The following PPP2R2D variants were observed in gnomAD, a reference collection of about 807,000 sequenced individuals.
PPP2R2D encodes the protein serine/threonine-protein phosphatase 2A 55 kDa regulatory subunit B delta isoform.
In PPP2R2D, 9 loss-of-function variants were observed where a neutral mutation model predicts 31.1. The observed-to-expected ratio is 0.29, with a 90% CI of 0.17 to 0.51. The LOEUF (loss-of-function observed/expected upper bound fraction) is 0.51, where lower values mean the gene tolerates loss of function less well. PPP2R2D is among the 20% of genes least tolerant of loss of function. The pLI, the probability that PPP2R2D is intolerant of heterozygous loss-of-function variation, is 0.98. For missense variants in PPP2R2D, 391 were observed against 465.6 expected, an observed-to-expected ratio of 0.84 and a Z score of 1.48; for synonymous variants, 179 against 172.6, an observed-to-expected ratio of 1.04 and a Z score of -0.29.
rs1018979696 is a variant in PPP2R2D, at chr10:131,905,746, A to G, written c.100+4416A>G. Among the ~76,000 whole-genome samples the G allele has an allele frequency of 4.5e-4, 68 of 152,340 alleles. 1 individual carries two copies. In the South Asian group the frequency reaches 0.014, roughly 31 times the overall value. Reference sequence around the variant, plus strand: ...CACAAAGCGAGTGTATGGCAGGGCCAGGGTTTGGAGCCACGCCGACTGGCC... The same window carrying G: ...CACAAAGCGAGTGTATGGCAGGGCCGGGGTTTGGAGCCACGCCGACTGGCC... On this transcript the variant is annotated intron_variant, in intron 2 of 8. Coordinates refer to ENST00000455566, the MANE Select transcript of PPP2R2D (RefSeq NM_018461.5).
At chr10:131,938,770 A>G (rs1267128600) in intron 3 of PPP2R2D, among the ~76,000 whole-genome samples, 2 of 152,138 alleles carry the variant, frequency 1.3e-5, no homozygotes, top group African/African-American at 2.4e-5. Context: ...TGGTCCCTGC[A>G]TGGCCCTGTG....
chr10:131,918,775 A>T (rs1182496379), intron 2 of PPP2R2D, among the ~76,000 whole-genome samples: 1 of 146,878 alleles, frequency 6.8e-6, no homozygotes. Flanking sequence ...GGGTGGAATG[A>T]CACAGTGTTT....
Position 131,945,489 on chromosome 10 carries a change from T to C in PPP2R2D, c.820+30T>C. On this transcript the variant is annotated intron_variant, in intron 7 of 8. Transcript: ENST00000455566. This position sits in a 1 kb window ranked among gnomAD's most constrained non-coding sequence, Gnocchi z 4.8. ...GTGCGTCTGTTGTTGAGATGGAGTCTGGCTCTGTCACCCAGGCTGCGGTGC... is the reference window on the plus strand; with the variant it reads ...GTGCGTCTGTTGTTGAGATGGAGTCCGGCTCTGTCACCCAGGCTGCGGTGC... 1 of 1,573,444 alleles carries C rather than the reference T, an allele frequency of 6.4e-7. No individual in the cohort carries two copies. The highest frequency in any genetic ancestry group is 1.2e-5 in the South Asian group (1 of 86,064).
intron 2 of PPP2R2D, among the ~76,000 whole-genome samples, chr10:131,906,777 AAG>A (rs1438494071): frequency 6.6e-6 from 1 of 151,008 alleles, no homozygotes; most frequent in Admixed American, 6.6e-5. Context: ...AAAAAAAAGA[AAG>A]AAATTCGGGA....
At chr10:131,921,086 G>C (rs1554894184) in intron 2 of PPP2R2D, among the ~76,000 whole-genome samples, 1 of 152,218 alleles carries the variant, frequency 6.6e-6, no homozygotes, top group African/African-American at 2.4e-5. Flanking sequence ...CCTAAAGTTT[G>C]AGATGTGCTT....
intron 2 of PPP2R2D, among the ~76,000 whole-genome samples, chr10:131,933,573 C>T (rs1306899188): frequency 2.0e-5 from 3 of 152,156 alleles, no homozygotes; most frequent in Admixed American, 6.5e-5. Context: ...CGGGAGGCCA[C>T]GCCAGGCCTT....
intron 8 of PPP2R2D, among the ~76,000 whole-genome samples, chr10:131,952,033 G>A (rs2036645867): frequency 6.6e-6 from 1 of 150,720 alleles, no homozygotes. Flanking sequence ...GGGTGTGCAG[G>A]GGGTTCACCA....
intron 2 of PPP2R2D, among the ~76,000 whole-genome samples, chr10:131,915,780 T>C (rs1462175652): frequency 6.6e-6 from 1 of 152,244 alleles, no homozygotes; most frequent in Non-Finnish European, 1.5e-5. Context: ...ACTTCGTTTA[T>C]GGTAACAGAT....
At chr10:131,970,988 T>G in the PPP2R2D span, 1 of 1,608,282 alleles carries the variant, frequency 6.2e-7, no homozygotes, top group Non-Finnish European at 8.5e-7. The surrounding 1 kb of genome is among the most constrained non-coding windows in gnomAD (Gnocchi z 4.1). Context: ...AAAGTCAATG[T>G]TAAAGGCAGA....
Position 131,956,296 on chromosome 10 carries a change from A to C in PPP2R2D, c.*333A>C. 1 of 1,022,772 alleles carries C rather than the reference A, an allele frequency of 9.8e-7. No homozygotes were observed. The highest frequency in any genetic ancestry group is 1.2e-6 in the Non-Finnish European group (1 of 854,886). The allele number at this position is 1,022,772 out of a possible 1,614,324, so 63.4% of individuals were successfully genotyped here. A position where few individuals can be genotyped will look rare whatever the true frequency, so the allele number is the denominator to read the frequency against. On this transcript the variant is annotated 3_prime_UTR_variant, in exon 9 of 9. Transcript: ENST00000455566. ...CCAAAAAATTAACATCCAAGAGAAA[A>C]GTTATTGTCAGATACCGCTCTTTCT...
Position 131,934,521 on chromosome 10 carries a change from G to A in PPP2R2D, c.164G>A (p.Gly55Asp), listed in dbSNP as rs1554896176. The A allele has an allele frequency of 1.3e-6, 1 of 780,268 alleles. No homozygotes were observed. The allele number at this position is 780,268 out of a possible 1,614,324, so 48.3% of individuals were successfully genotyped here. The change falls in exon 3 of 9, where the codon GGC (glycine) becomes GAC (aspartate). Residue 55 changes from glycine to aspartate, a missense_variant. By Grantham distance (94) the Gly-to-Asp change is moderately conservative. This residue lies in a region of PPP2R2D where 105 missense variants were observed against 98.5 expected (regional missense o/e 1.07). Transcript: ENST00000455566. ...SGDLLATGDK[G>D]GRVVIFQREQ... ...GATCTTCTTGCAACAGGAGACAAGG[G>A]CGGCAGAGTTGTTATTTTTCAGCGT...
chr10:131,906,978 T>A (rs926619711), intron 2 of PPP2R2D, among the ~76,000 whole-genome samples: 6 of 151,650 alleles, frequency 4.0e-5, no homozygotes, highest in Admixed American at 2.6e-4. Flanking sequence ...TATATGTATA[T>A]ATATAATCTT....
chr10:131,913,649 G>A (rs1271821258), intron 2 of PPP2R2D, among the ~76,000 whole-genome samples: 7 of 152,246 alleles, frequency 4.6e-5, no homozygotes, highest in African/African-American at 1.2e-4. Flanking sequence ...GCAATGTGTC[G>A]TTAGGCGATT....
Position 131,957,988 on chromosome 10 carries a change from C to A in PPP2R2D, c.*2025C>A. ...AAGGGGTGTGCTGATCCCCCGTGCC[C>A]CTGTGGACATGGAGGCGTGTGCTGA... On this transcript the variant is annotated 3_prime_UTR_variant, in exon 9 of 9. Transcript: ENST00000455566. The A allele has an allele frequency of 6.2e-6, 1 of 162,298 alleles. No individual in the cohort carries two copies. Among genetic ancestry groups the A allele is most frequent in the South Asian group, 1.4e-4 (1 of 7,266 alleles). 10.1% of individuals were successfully genotyped at this position (162,298 alleles called of 1,614,324 possible). A position where few individuals can be genotyped will look rare whatever the true frequency, so the allele number is the denominator to read the frequency against.
chr10:131,904,981 A>AC (rs1280502998), intron 2 of PPP2R2D, among the ~76,000 whole-genome samples: 1,754 of 96,126 alleles, frequency 0.018, 17 homozygotes, highest in African/African-American at 0.048. Context: ...TGCGCACCCC[A>AC]CCCCCCTTTT....
chr10:131,954,288 C>T (rs182436133), intron 8 of PPP2R2D, among the ~76,000 whole-genome samples: 6 of 152,358 alleles, frequency 3.9e-5, no homozygotes, highest in South Asian at 2.1e-4. Flanking sequence ...CAGTCAGTGT[C>T]GGCCATACAT....
intron 5 of PPP2R2D, among the ~76,000 whole-genome samples, chr10:131,942,361 C>T (rs1021763908): frequency 5.9e-5 from 9 of 152,166 alleles, no homozygotes; most frequent in Non-Finnish European, 1.2e-4. Flanking sequence ...TGTGAGAAGT[C>T]TAGTTATTTC....
chr10:131,919,763 T>C (rs2035928094), intron 2 of PPP2R2D, among the ~76,000 whole-genome samples: 1 of 130,328 alleles, frequency 7.7e-6, no homozygotes, highest in African/African-American at 2.9e-5. Context: ...AATGACAGAG[T>C]GTAGGGACCT....
intron 2 of PPP2R2D, chr10:131,911,988 C>T (rs998109275): frequency 1.8e-4 from 28 of 152,354 alleles, no homozygotes; most frequent in African/African-American, 6.5e-4. Context: ...CTTCATCCCA[C>T]TGCTGTCCTG....
Sources: allele counts gnomAD v4.1 joint callset (sites outside exome capture counted in the v4.1 genomes callset), GRCh38; gene constraint gnomAD v4.1.1; regional missense constraint gnomAD v4.1.1; non-coding constraint Gnocchi (gnomAD v3.1); transcripts MANE v1.5; gene names NCBI Gene and HGNC (gene_info 2026-07-23, HGNC 2026-07-21).